NECTIN2: variants seen among roughly 807,000 people sequenced by gnomAD.
NECTIN2 encodes the protein nectin cell adhesion molecule 2.
A neutral mutation model predicts 56.9 loss-of-function variants in NECTIN2; 23 were observed. That is an observed-to-expected ratio of 0.40 (90% CI 0.29 to 0.57). The LOEUF is 0.57. NECTIN2 is among the 20% of genes least tolerant of loss of function. The pLI, the probability that NECTIN2 is intolerant of heterozygous loss-of-function variation, is 0.38. For synonymous variants in NECTIN2, 302 were observed against 313.8 expected (o/e 0.96, Z 0.40); for missense variants, 587 against 718.3 (o/e 0.82, Z 2.09).
At chr19:44,886,436 G>A (rs949807992) in intron 8 of NECTIN2, among the ~76,000 whole-genome samples, 2 of 151,870 alleles carry the variant, frequency 1.3e-5, no homozygotes, top group Non-Finnish European at 2.9e-5. Flanking sequence ...AAAGTCACTT[G>A]GGGGCTGGGC....
intron 3 of NECTIN2, among the ~76,000 whole-genome samples, chr19:44,872,397 C>A (rs2122685710): frequency 6.6e-6 from 1 of 152,234 alleles, no homozygotes; most frequent in Non-Finnish European, 1.5e-5. Flanking sequence ...GATGGGCTTG[C>A]AAGAGCCAGT....
chr19:44,853,490 T>A (rs1330142548), intron 1 of NECTIN2, among the ~76,000 whole-genome samples: 1 of 124,066 alleles, frequency 8.1e-6, no homozygotes, highest in Non-Finnish European at 1.7e-5. Context: ...CCACCACAGC[T>A]GGCCCTTTTT....
At chr19:44,852,942 AC>A (rs1968918163) in intron 1 of NECTIN2, among the ~76,000 whole-genome samples, 1 of 152,042 alleles carries the variant, frequency 6.6e-6, no homozygotes, top group African/African-American at 2.4e-5. Flanking sequence ...CCCCTTCTCT[AC>A]AAAAAAAAAT....
In NECTIN2 at chr19:44,874,219, G is replaced by T; in HGVS notation, c.894-111G>T. 1 of 1,405,548 alleles carries T rather than the reference G, an allele frequency of 7.1e-7. No homozygotes were observed. 87.1% of individuals were successfully genotyped at this position (1,405,548 alleles called of 1,614,324 possible). A position where few individuals can be genotyped will look rare whatever the true frequency, so the allele number is the denominator to read the frequency against. ...CATTTTGGCAATTTGGGGTCTCCGG[G>T]AGTACTTAGGTCCCTGGAGCTTGGC... On this transcript the variant is annotated intron_variant, in intron 4 of 8. Coordinates refer to ENST00000252483, the MANE Select transcript of NECTIN2 (RefSeq NM_001042724.2). The surrounding 1 kb of genome is among the most constrained non-coding windows in gnomAD (Gnocchi z 6.3).
At chr19:44,852,410 T>G (rs1307213481) in intron 1 of NECTIN2, among the ~76,000 whole-genome samples, 1 of 143,828 alleles carries the variant, frequency 7.0e-6, no homozygotes. Flanking sequence ...TGTGAGGGTT[T>G]TTTCTTTCTC....
intron 1 of NECTIN2, 93 bp downstream of exon 1, chr19:44,846,706 CCGGCT>C: frequency 7.1e-7 from 1 of 1,406,070 alleles, no homozygotes; most frequent in Non-Finnish European, 9.4e-7. Context: ...CCGCCCACCC[CCGGCT>C]CCCCGAGCCC....
At chr19:44,873,149 C>T (rs1434961483) in intron 3 of NECTIN2, among the ~76,000 whole-genome samples, 1 of 152,094 alleles carries the variant, frequency 6.6e-6, no homozygotes, top group African/African-American at 2.4e-5. Flanking sequence ...GTTGTCTACA[C>T]TAGCTCCCCA....
At chr19:44,883,544 A>C (rs1009397962) in intron 6 of NECTIN2, among the ~76,000 whole-genome samples, 1 of 152,190 alleles carries the variant, frequency 6.6e-6, no homozygotes, top group Non-Finnish European at 1.5e-5. Context: ...CAAAGTGCTA[A>C]GATCACAAGC....
intron 6 of NECTIN2, among the ~76,000 whole-genome samples, chr19:44,884,604 C>T (rs528005410): frequency 1.5e-3 from 236 of 152,292 alleles, no homozygotes; most frequent in Middle Eastern, 3.4e-3. Context: ...CCACTGTGTC[C>T]GAGACGGCCT....
chr19:44,856,888 G>GCT (rs900549758), intron 1 of NECTIN2, among the ~76,000 whole-genome samples: 4 of 152,208 alleles, frequency 2.6e-5, no homozygotes, highest in African/African-American at 9.6e-5. Context: ...GTGGGCCAAA[G>GCT]CAAACATGCA....
At chr19:44,878,248 T>G in intron 5 of NECTIN2, 5 of 815,780 alleles carry the variant, frequency 6.1e-6, no homozygotes, top group Non-Finnish European at 1.0e-5. Context: ...CGCCCCGAGA[T>G]GTGGGCCCGC....
chr19:44,877,264 G>A lies in NECTIN2; in HGVS notation c.1042+2786G>A, dbSNP rs193166702. 4.1e-3 allele frequency among the ~76,000 whole-genome samples: 631 copies of A among 152,186 alleles called. 13 individuals are homozygous for A. The highest frequency in any genetic ancestry group is 2.8e-3 in the Non-Finnish European group (191 of 67,994). On this transcript the variant is annotated intron_variant, in intron 5 of 8. Coordinates refer to ENST00000252483, the MANE Select transcript of NECTIN2 (RefSeq NM_001042724.2). ...AGGTGTGGGTGAACCCCCCACCCCC[G>A]TCTGTCCCAGTTATGCCTTGCATGC...
rs1403768228 is a variant in NECTIN2, at chr19:44,865,254, C to T, written c.89-17C>T. ...CTCCCCCACCCGACTACTTCACTCT[C>T]TGTCCTCTCTGCCCAGGAGCCCAGG... On this transcript the variant is annotated splice_polypyrimidine_tract_variant and intron_variant, in intron 1 of 8. Coordinates refer to ENST00000252483, the MANE Select transcript of NECTIN2 (RefSeq NM_001042724.2). This position sits in a 1 kb window ranked among gnomAD's most constrained non-coding sequence, Gnocchi z 5.2. 1.3e-6 allele frequency: 2 copies of T among 1,595,624 alleles called. No individual in the cohort carries two copies. Among genetic ancestry groups the T allele is most frequent in the African/African-American group, 2.7e-5 (2 of 74,714 alleles).
At chr19:44,851,056 C>A (rs1272164637) in intron 1 of NECTIN2, among the ~76,000 whole-genome samples, 4 of 151,830 alleles carry the variant, frequency 2.6e-5, no homozygotes, top group Non-Finnish European at 5.9e-5. Context: ...GAAGCCCAGG[C>A]CCCAGCCTCT....
intron 1 of NECTIN2, among the ~76,000 whole-genome samples, chr19:44,848,742 G>T (rs1968866793): frequency 7.1e-6 from 1 of 141,282 alleles, no homozygotes; most frequent in African/African-American, 2.7e-5. Context: ...ATCTCTCTTC[G>T]TTTCTCACCC....
chr19:44,846,423 G>GGAGCCGGAGCCC lies in NECTIN2; in HGVS notation c.-102_-91dup. The GGAGCCGGAGCCC allele has an allele frequency of 7.5e-7, 1 of 1,338,490 alleles. No homozygotes were observed. Among genetic ancestry groups the GGAGCCGGAGCCC allele is most frequent in the Non-Finnish European group, 9.6e-7 (1 of 1,041,778 alleles). 82.9% of individuals were successfully genotyped at this position (1,338,490 alleles called of 1,614,324 possible). A position where few individuals can be genotyped will look rare whatever the true frequency, so the allele number is the denominator to read the frequency against. The stretch of plus-strand genomic sequence containing the variant: ...GCGCAGCGGGAACCGGCCCGGAGCC[G>GGAGCCGGAGCCC]GAGCCGGAGCCCCACAGGCACCTAC... On this transcript the variant is annotated 5_prime_UTR_variant, in exon 1 of 9. Coordinates refer to ENST00000252483, the MANE Select transcript of NECTIN2 (RefSeq NM_001042724.2).
chr19:44,859,466 C>T (rs973280212), intron 1 of NECTIN2, among the ~76,000 whole-genome samples: 3 of 152,282 alleles, frequency 2.0e-5, no homozygotes, highest in East Asian at 1.9e-4. Context: ...GCCACTCAGT[C>T]GCCATGCTGT....
chr19:44,881,409 C>G (rs570381585), intron 5 of NECTIN2, among the ~76,000 whole-genome samples: 8 of 151,808 alleles, frequency 5.3e-5, no homozygotes, highest in African/African-American at 1.2e-4. Flanking sequence ...CAAGGCAGGC[C>G]GAGCACGGCA....
chr19:44,874,608 G>C lies in NECTIN2; in HGVS notation c.1042+130G>C. 1 of 1,154,694 alleles carries C rather than the reference G, an allele frequency of 8.7e-7. No homozygotes were observed. Among genetic ancestry groups the C allele is most frequent in the Non-Finnish European group, 1.2e-6 (1 of 814,450 alleles). The allele number at this position is 1,154,694 out of a possible 1,614,324, so 71.5% of individuals were successfully genotyped here. On this transcript the variant is annotated intron_variant, in intron 5 of 8. Transcript: ENST00000252483. The surrounding 1 kb of genome is among the most constrained non-coding windows in gnomAD (Gnocchi z 6.3). ...GGGAGGGATGCAGACCTGCCTGGCT[G>C]AGGGGAGATGAGGGTTGGCCTTCCC...
Sources: gnomAD v4.1 joint callset for allele counts (sites outside exome capture counted in the v4.1 genomes callset) on GRCh38, gnomAD v4.1.1 for gene constraint, Gnocchi (gnomAD v3.1) non-coding constraint, MANE v1.5 for transcripts, NCBI Gene and HGNC (gene_info 2026-07-23, HGNC 2026-07-21) for gene names.